Variants in FAR2 observed in about 807,000 individuals in gnomAD.
FAR2 encodes the protein epididymis secretory protein Li 81.
In FAR2, 19 loss-of-function variants were observed where a neutral mutation model predicts 56.0. That is an observed-to-expected ratio of 0.34 (90% CI 0.24 to 0.50). FAR2 has a LOEUF of 0.50. Among genes scored for constraint, FAR2 ranks in the 20% least tolerant of loss-of-function variants. The probability of loss-of-function intolerance (pLI) is 0.98; values close to 1 mark genes in which losing one functional copy is unlikely to be tolerated. For missense variants in FAR2, 508 were observed against 642.2 expected (o/e 0.79, Z 2.26); for synonymous variants, 219 against 218.8 (o/e 1.00, Z -0.01).
At chr12:29,311,694 AT>A (rs869272740) in intron 7 of FAR2, among the ~76,000 whole-genome samples, 188 bp from the exon 8 acceptor site, 12 of 150,704 alleles carry the variant, frequency 8.0e-5, no homozygotes, top group Non-Finnish European at 1.6e-4. Flanking sequence ...ACACACACAC[AT>A]GCTTTTCCTA....
At chr12:29,311,170 C>A in intron 7 of FAR2, 24 bp downstream of exon 7, 2 of 1,517,874 alleles carry the variant, frequency 1.3e-6, no homozygotes, top group South Asian at 1.1e-5. Flanking sequence ...AGTGGGCTTT[C>A]AAAGACTTCA....
intron 1 of FAR2, among the ~76,000 whole-genome samples, chr12:29,194,113 T>A (rs1484297960): frequency 6.6e-6 from 1 of 152,196 alleles, no homozygotes; most frequent in African/African-American, 2.4e-5. Flanking sequence ...AGCTTGCTCA[T>A]CCTAATGTAG....
chr12:29,206,190 C>T (rs1270166948), intron 1 of FAR2, among the ~76,000 whole-genome samples: 1 of 152,196 alleles, frequency 6.6e-6, no homozygotes, highest in Non-Finnish European at 1.5e-5. Flanking sequence ...TTGAACCAAG[C>T]AGCTTGTCTT....
intron 1 of FAR2, among the ~76,000 whole-genome samples, chr12:29,151,128 T>C (rs1949678653): frequency 6.6e-6 from 1 of 152,202 alleles, no homozygotes; most frequent in Admixed American, 6.5e-5. Context: ...TGGCAACGTC[T>C]CATCAGTGTT....
intron 2 of FAR2, among the ~76,000 whole-genome samples, chr12:29,285,396 C>T (rs1220046106): frequency 6.6e-6 from 1 of 152,192 alleles, no homozygotes; most frequent in Non-Finnish European, 1.5e-5. Context: ...ACGCCCCGCC[C>T]CTCCAAAGGA....
chr12:29,272,194 G>A (rs1948630338), intron 2 of FAR2, among the ~76,000 whole-genome samples: 1 of 152,196 alleles, frequency 6.6e-6, no homozygotes, highest in African/African-American at 2.4e-5. Context: ...CTAGGTTGGG[G>A]AGGTTTTCCT....
rs984134160 is a variant in FAR2, at chr12:29,334,000, T to C, written c.*206T>C. 4.2e-5 allele frequency: 18 copies of C among 430,678 alleles called. No homozygotes were observed. The highest frequency in any genetic ancestry group is 3.2e-4 in the African/African-American group (16 of 49,406). 26.7% of individuals were successfully genotyped at this position (430,678 alleles called of 1,614,324 possible). ...AACTAGCCCATAGTCACCTATATTT[T>C]AGGGAAAAAAATCCAAATTGTTTCC... On this transcript the variant is annotated 3_prime_UTR_variant, in exon 12 of 12. Transcript: ENST00000536681.
At chr12:29,299,213 C>CAGAAAAAAAAAAAAA (rs1565512259) in intron 4 of FAR2, among the ~76,000 whole-genome samples, 2 of 103,568 alleles carry the variant, frequency 1.9e-5, no homozygotes, top group African/African-American at 7.7e-5. Context: ...AACTTTGTCT[C>CAGAAAAAAAAAAAAA]AAAAAAAAAA....
At chr12:29,316,426 T>C (rs1437658987) in intron 8 of FAR2, among the ~76,000 whole-genome samples, 1 of 152,168 alleles carries the variant, frequency 6.6e-6, no homozygotes, top group Non-Finnish European at 1.5e-5. Context: ...AAGATTCAAA[T>C]AAAATGTTAA....
chr12:29,152,673 A>G (rs1949690851), intron 1 of FAR2, among the ~76,000 whole-genome samples: 1 of 152,258 alleles, frequency 6.6e-6, no homozygotes, highest in African/African-American at 2.4e-5. Context: ...CAGTTCCTGT[A>G]TTCAGTAAAC....
chr12:29,260,383 C>T (rs1359653435), intron 1 of FAR2, among the ~76,000 whole-genome samples: 1 of 152,178 alleles, frequency 6.6e-6, no homozygotes, highest in African/African-American at 2.4e-5. Flanking sequence ...GGACACAACT[C>T]CTCTGCCACC....
At chr12:29,311,695 T>A (rs6487809) in intron 7 of FAR2, among the ~76,000 whole-genome samples, 188 bp from the exon 8 acceptor site, 1,577 of 150,920 alleles carry the variant, frequency 0.01, 16 homozygotes, top group Middle Eastern at 0.037. Context: ...CACACACACA[T>A]GCTTTTCCTA....
At chr12:29,282,527 T>G (rs1188516476) in intron 2 of FAR2, among the ~76,000 whole-genome samples, 1 of 152,100 alleles carries the variant, frequency 6.6e-6, no homozygotes. Context: ...CACATAATAA[T>G]GAATGAATTC....
chr12:29,170,925 A>G (rs913841962), intron 1 of FAR2, among the ~76,000 whole-genome samples: 4 of 152,230 alleles, frequency 2.6e-5, no homozygotes, highest in Non-Finnish European at 4.4e-5. Context: ...CAACAACTCC[A>G]TGATTTCCTT....
intron 1 of FAR2, among the ~76,000 whole-genome samples, chr12:29,160,774 T>C (rs1378979320): frequency 1.3e-5 from 2 of 152,234 alleles, no homozygotes; most frequent in Middle Eastern, 3.4e-3. Context: ...CTTCTTTCTA[T>C]GCGTATATCT....
At chr12:29,312,848 G>A (rs1204082360) in intron 8 of FAR2, among the ~76,000 whole-genome samples, 1 of 152,118 alleles carries the variant, frequency 6.6e-6, no homozygotes, top group Non-Finnish European at 1.5e-5. Flanking sequence ...GCCACACTGA[G>A]AGTTCTATTG....
chr12:29,239,616 G>A (rs1257659290), intron 1 of FAR2, among the ~76,000 whole-genome samples: 2 of 152,062 alleles, frequency 1.3e-5, no homozygotes, highest in East Asian at 1.9e-4. Flanking sequence ...ACCAGTAGAG[G>A]AAAATGCTGG....
At chr12:29,298,308 TA>T (rs1949104841) in intron 4 of FAR2, among the ~76,000 whole-genome samples, 3 of 141,748 alleles carry the variant, frequency 2.1e-5, no homozygotes, top group African/African-American at 8.1e-5. Flanking sequence ...TTTTTTTTTG[TA>T]AAAAACTATA....
intron 1 of FAR2, among the ~76,000 whole-genome samples, chr12:29,221,731 C>A (rs1372034678): frequency 2.0e-5 from 3 of 152,190 alleles, no homozygotes; most frequent in Non-Finnish European, 4.4e-5. Context: ...ATTATTATTA[C>A]CACCAATTTT....
Sources: gnomAD v4.1 joint callset for allele counts (sites outside exome capture counted in the v4.1 genomes callset) on GRCh38, gnomAD v4.1.1 for gene constraint, MANE v1.5 for transcripts, NCBI Gene and HGNC (gene_info 2026-07-23, HGNC 2026-07-21) for gene names.